TNS3: variants seen among roughly 807,000 people sequenced by gnomAD.
TNS3 encodes tensin-3.
Under a neutral mutation model 140.9 loss-of-function variants are expected in TNS3, and 45 were observed. That is an observed-to-expected ratio of 0.32 (90% CI 0.25 to 0.41). The LOEUF is 0.41. Among genes scored for constraint, TNS3 ranks in the 10% least tolerant of loss-of-function variants. The pLI is 1.00. For synonymous variants in TNS3, 815 were observed against 788.4 expected, an observed-to-expected ratio of 1.03 and a Z score of -0.56; for missense variants, 1,716 against 1,906.7, an observed-to-expected ratio of 0.90 and a Z score of 1.86.
At chr7:47,426,400 T>C (rs956158241) in intron 9 of TNS3, among the ~76,000 whole-genome samples, 1 of 152,182 alleles carries the variant, frequency 6.6e-6, no homozygotes, top group Non-Finnish European at 1.5e-5. Flanking sequence ...TGTCGGGAAA[T>C]GATGCATATA....
At chr7:47,394,297 C>A (rs752111119) in intron 16 of TNS3, among the ~76,000 whole-genome samples, 54 of 152,186 alleles carry the variant, frequency 3.5e-4, no homozygotes, top group Non-Finnish European at 2.6e-4. Flanking sequence ...AAGGGTGGAA[C>A]CCCTATAAGT....
intron 28 of TNS3, among the ~76,000 whole-genome samples, chr7:47,281,213 G>A (rs1322751664): frequency 1.3e-5 from 2 of 152,154 alleles, no homozygotes; most frequent in African/African-American, 2.4e-5. Context: ...TCACTGATAC[G>A]ACCCCCATAG....
At chr7:47,546,720 C>T (rs1799930420) in intron 1 of TNS3, among the ~76,000 whole-genome samples, 2 of 152,174 alleles carry the variant, frequency 1.3e-5, no homozygotes, top group Admixed American at 1.3e-4. Context: ...GCTTCTCATC[C>T]CATGTCTGCA....
intron 1 of TNS3, chr7:47,557,183 G>C: frequency 2.2e-6 from 1 of 455,682 alleles, no homozygotes; most frequent in South Asian, 1.5e-5. Flanking sequence ...CAATCCTTAA[G>C]ACCAACAGTG....
At chr7:47,281,365 C>G (rs1378829943) in intron 28 of TNS3, among the ~76,000 whole-genome samples, 2 of 152,208 alleles carry the variant, frequency 1.3e-5, no homozygotes, top group East Asian at 3.9e-4. Context: ...ATGCCCAACT[C>G]AACACTCTGC....
intron 4 of TNS3, among the ~76,000 whole-genome samples, chr7:47,451,378 G>A (rs1207549702): frequency 1.3e-5 from 2 of 152,022 alleles, no homozygotes; most frequent in African/African-American, 2.4e-5. Flanking sequence ...CCAGGAGTTC[G>A]AGACCAACCT....
Position 47,344,736 on chromosome 7 carries a change from C to G in TNS3, c.2650+19G>C. ...CGCCTGAGTGCCGCGCGCCTGTGACCCGCGGGTAGATTTCTTACCACGTCC... is the reference window on the plus strand; with the variant it reads ...CGCCTGAGTGCCGCGCGCCTGTGACGCGCGGGTAGATTTCTTACCACGTCC... On this transcript the variant is annotated intron_variant, in intron 20 of 30. Transcript: ENST00000311160. The G allele has an allele frequency of 6.2e-7, 1 of 1,607,496 alleles. No homozygotes were observed. The highest frequency in any genetic ancestry group is 8.5e-7 in the Non-Finnish European group (1 of 1,176,914).
chr7:47,294,992 A>G (rs1045717154), intron 24 of TNS3, among the ~76,000 whole-genome samples: 1 of 152,106 alleles, frequency 6.6e-6, no homozygotes, highest in Non-Finnish European at 1.5e-5. Context: ...AGTTTACTGG[A>G]GGTGGTATGG....
Position 47,344,925 on chromosome 7 carries a change from A to G in TNS3, c.2565T>C (p.Tyr855=), listed in dbSNP as rs1789243669. 6.2e-7 allele frequency: 1 copy of G among 1,613,704 alleles called. No homozygotes were observed. Among genetic ancestry groups the G allele is most frequent in the Admixed American group, 1.7e-5 (1 of 59,998 alleles). The change falls in exon 19 of 31, where the codon TAT becomes TAC. Residue 855 remains tyrosine (Y), a splice_region_variant and synonymous_variant. Coordinates refer to ENST00000311160, the MANE Select transcript of TNS3 (RefSeq NM_022748.12). The part of the protein sequence containing the change: ...PAFPVSPETP[Y]VKTALRHPPF... ...CAGCTAGTGTTACTTCATTCTTACC[A>G]TACGGTGTCTCTGGAGACACAGGAA... is the stretch of plus-strand genomic sequence containing the variant.
intron 8 of TNS3, among the ~76,000 whole-genome samples, chr7:47,429,963 G>A (rs1285716909): frequency 1.3e-5 from 2 of 152,132 alleles, no homozygotes. Flanking sequence ...ATGGCTACTA[G>A]TATACCTCTT....
intron 4 of TNS3, among the ~76,000 whole-genome samples, chr7:47,454,651 G>A (rs1796171322): frequency 6.6e-6 from 1 of 152,156 alleles, no homozygotes; most frequent in South Asian, 2.1e-4. Context: ...CCTGAGGACA[G>A]GCCAGTTTAT....
intron 1 of TNS3, among the ~76,000 whole-genome samples, chr7:47,536,782 T>C (rs947413502): frequency 1.3e-5 from 2 of 152,122 alleles, no homozygotes; most frequent in African/African-American, 4.8e-5. Context: ...CGGACCAGCG[T>C]ACACATGCCT....
At chr7:47,468,780 C>T (rs975690401) in intron 4 of TNS3, among the ~76,000 whole-genome samples, 1 of 152,066 alleles carries the variant, frequency 6.6e-6, no homozygotes, top group Admixed American at 6.6e-5. Context: ...CCAAAATAGC[C>T]AAAGCAATCC....
At chr7:47,522,761 T>C (rs1799031069) in intron 2 of TNS3, among the ~76,000 whole-genome samples, 1 of 152,030 alleles carries the variant, frequency 6.6e-6, no homozygotes, top group African/African-American at 2.4e-5. Flanking sequence ...ACCCCGTTTC[T>C]ACTAAAAATA....
intron 10 of TNS3, among the ~76,000 whole-genome samples, chr7:47,416,015 G>A (rs929589767): frequency 3.3e-5 from 5 of 152,238 alleles, no homozygotes; most frequent in African/African-American, 9.6e-5. Context: ...CCTGCCTGTT[G>A]GTGCCCTGCC....
chr7:47,348,557 G>T (rs1181328087), intron 17 of TNS3, among the ~76,000 whole-genome samples: 1 of 152,170 alleles, frequency 6.6e-6, no homozygotes, highest in Non-Finnish European at 1.5e-5. Flanking sequence ...GTTGCATGAA[G>T]AACACAGAAA....
chr7:47,363,732 CA>C (rs1047301464), intron 17 of TNS3, among the ~76,000 whole-genome samples: 8 of 152,166 alleles, frequency 5.3e-5, no homozygotes, highest in Admixed American at 3.3e-4. Flanking sequence ...GAGCGAGACT[CA>C]AGGTAGTCTC....
chr7:47,522,666 C>A (rs1341436908), intron 2 of TNS3, among the ~76,000 whole-genome samples: 1 of 152,194 alleles, frequency 6.6e-6, no homozygotes, highest in African/African-American at 2.4e-5. Context: ...CGGTGGCTCA[C>A]GCCTGTAATC....
intron 4 of TNS3, chr7:47,470,322 T>C (rs764770830): frequency 6.2e-5 from 31 of 500,942 alleles, no homozygotes; most frequent in Admixed American, 1.9e-4. Flanking sequence ...ACACTCTATA[T>C]CTAAAATAAA....
Sources: gnomAD v4.1 joint callset for allele counts (sites outside exome capture counted in the v4.1 genomes callset) on GRCh38, gnomAD v4.1.1 for gene constraint, MANE v1.5 for transcripts, NCBI Gene and HGNC (gene_info 2026-07-23, HGNC 2026-07-21) for gene names.